The following BTD variants were observed in gnomAD, a reference collection of about 807,000 sequenced individuals.
BTD encodes the protein biotinidase, also known as biocytinase.
BTD carries 13 observed loss-of-function variants against 17.7 expected under a neutral mutation model. The ratio of observed to expected loss-of-function variants is 0.74; its 90% CI spans 0.48 to 1.17. The LOEUF (loss-of-function observed/expected upper bound fraction) is 1.17. Ranked by LOEUF, BTD falls within the 50% of genes most tolerant of loss-of-function variation. The pLI is 0.00. For synonymous variants in BTD, 240 were observed against 245.2 expected (o/e 0.98, Z 0.20); for missense variants, 674 against 650.4 (o/e 1.04, Z -0.39).
At chr3:15,697,678 T>C (rs138443941) in intron 3 of BTD, among the ~76,000 whole-genome samples, 25 of 152,290 alleles carry the variant, frequency 1.6e-4, no homozygotes, top group Non-Finnish European at 2.2e-4. Flanking sequence ...GATTTTCGCA[T>C]TGATGTTCAT....
At chr3:15,654,214 C>T (rs1026419385), downstream of BTD, among the ~76,000 whole-genome samples, 1 of 152,116 alleles carries the variant, frequency 6.6e-6, no homozygotes, top group Non-Finnish European at 1.5e-5. Flanking sequence ...CAACATTGGG[C>T]ACTGGGGCAA....
At chr3:15,678,261 T>C in intron 3 of BTD, 2 of 1,613,076 alleles carry the variant, frequency 1.2e-6, no homozygotes, top group East Asian at 2.2e-5. Context: ...GTGTTTTCCC[T>C]GTAGAGTCCA....
At chr3:15,693,930 G>A (rs534978228) in intron 3 of BTD, among the ~76,000 whole-genome samples, 50 of 152,144 alleles carry the variant, frequency 3.3e-4, no homozygotes, top group African/African-American at 1.2e-3. Flanking sequence ...ACAATCAAAT[G>A]AATAACTGAA....
intron 4 of BTD, chr3:15,721,209 T>C (rs2073687021): frequency 3.5e-6 from 4 of 1,132,852 alleles, no homozygotes; most frequent in Admixed American, 4.2e-5. Flanking sequence ...AACCTGTGGT[T>C]GCAATCAAAT....
At chr3:15,674,061 A>G (rs1208465095) in intron 3 of BTD, among the ~76,000 whole-genome samples, 1 of 147,656 alleles carries the variant, frequency 6.8e-6, no homozygotes, top group Admixed American at 6.9e-5. Context: ...AGTGCTAGCT[A>G]CTTGGGAGGC....
At chr3:15,705,422 C>A (rs2071222823) in intron 3 of BTD, among the ~76,000 whole-genome samples, 1 of 152,130 alleles carries the variant, frequency 6.6e-6, no homozygotes, top group South Asian at 2.1e-4. Context: ...GGGAGACAAT[C>A]TCTCAGCGGA....
chr3:15,617,789 C>T (rs896116927), intron 1 of BTD, among the ~76,000 whole-genome samples: 1 of 152,154 alleles, frequency 6.6e-6, no homozygotes, highest in Non-Finnish European at 1.5e-5. Flanking sequence ...ATTCTCTATT[C>T]TGTTCCATCT....
At chr3:15,707,071 G>A (rs76894862) in intron 3 of BTD, among the ~76,000 whole-genome samples, 2,794 of 152,170 alleles carry the variant, frequency 0.018, 202 homozygotes, top group Admixed American at 0.11. Flanking sequence ...TTTTGAGGGC[G>A]AAAAGTAAAT....
chr3:15,721,998 G>A (rs2073784153), exon 5 of BTD, among the ~76,000 whole-genome samples: 1 of 152,156 alleles, frequency 6.6e-6, no homozygotes, highest in Admixed American at 6.5e-5. Context: ...ACCGGCCTCG[G>A]CCTCCCAAAG....
At chr3:15,685,497 T>A in intron 3 of BTD, 1 of 1,554,570 alleles carries the variant, frequency 6.4e-7, no homozygotes, top group Non-Finnish European at 8.9e-7. Flanking sequence ...AAACATTACA[T>A]GCCAATTTCA....
intron 3 of BTD, among the ~76,000 whole-genome samples, chr3:15,703,781 CG>C (rs1220767565): frequency 6.6e-6 from 1 of 151,970 alleles, no homozygotes; most frequent in African/African-American, 2.4e-5. Flanking sequence ...GGATAGAGGA[CG>C]GAAGAGTTAT....
At chr3:15,705,793 G>A (rs1182132734) in intron 3 of BTD, among the ~76,000 whole-genome samples, 2 of 152,140 alleles carry the variant, frequency 1.3e-5, no homozygotes, top group African/African-American at 4.8e-5. Context: ...CTTAGGTCAG[G>A]AGTTTGAGAC....
At chr3:15,692,629 T>C (rs1306765433) in intron 3 of BTD, among the ~76,000 whole-genome samples, 1 of 152,222 alleles carries the variant, frequency 6.6e-6, no homozygotes, top group African/African-American at 2.4e-5. Context: ...AAGCCTCAGA[T>C]CAGTATGTTT....
At chr3:15,677,797 T>C (rs1360060853) in intron 3 of BTD, among the ~76,000 whole-genome samples, 1 of 152,210 alleles carries the variant, frequency 6.6e-6, no homozygotes, top group African/African-American at 2.4e-5. Flanking sequence ...ATTTTGTGAC[T>C]GTGCACTAAA....
chr3:15,664,571 T>G (rs1414371540), intron 3 of BTD, among the ~76,000 whole-genome samples: 1 of 152,200 alleles, frequency 6.6e-6, no homozygotes, highest in Non-Finnish European at 1.5e-5. Context: ...AACAGTCGAT[T>G]CTGAGAAATT....
At chr3:15,674,209 C>T (rs1027507916) in intron 3 of BTD, among the ~76,000 whole-genome samples, 2 of 109,706 alleles carry the variant, frequency 1.8e-5, no homozygotes, top group African/African-American at 6.9e-5. Context: ...GAAGAAGAAC[C>T]GAAATTCAAG....
At chr3:15,677,824 A>G (rs1025692850) in intron 3 of BTD, among the ~76,000 whole-genome samples, 22 of 152,180 alleles carry the variant, frequency 1.4e-4, no homozygotes, top group Admixed American at 1.3e-3. Flanking sequence ...ATACTGTTTT[A>G]TATGCTCTGG....
At chr3:15,717,030 C>T (rs143867529), downstream of BTD, among the ~76,000 whole-genome samples, 11 of 152,246 alleles carry the variant, frequency 7.2e-5, no homozygotes, top group African/African-American at 2.2e-4. Flanking sequence ...TTCTCACAAC[C>T]CTATCAGATT....
intron 1 of BTD, among the ~76,000 whole-genome samples, chr3:15,614,513 G>T (rs892909848): frequency 6.6e-6 from 1 of 151,084 alleles, no homozygotes; most frequent in South Asian, 2.1e-4. Flanking sequence ...TCATCTCTGT[G>T]GTACATTCTA....
Sources: gnomAD v4.1 joint callset for allele counts (sites outside exome capture counted in the v4.1 genomes callset) on GRCh38, gnomAD v4.1.1 for gene constraint, MANE v1.5 for transcripts, NCBI Gene and HGNC (gene_info 2026-07-23, HGNC 2026-07-21) for gene names.